PIK3R5: variants seen among roughly 807,000 people sequenced by gnomAD.
The protein encoded by PIK3R5 is phosphoinositide 3-kinase regulatory subunit 5.
A neutral mutation model predicts 94.9 loss-of-function variants in PIK3R5; 32 were observed. The observed-to-expected ratio is 0.34, with a 90% CI of 0.25 to 0.45. The LOEUF is 0.45. PIK3R5 is among the 20% of genes least tolerant of loss of function. The pLI is 1.00. For synonymous variants in PIK3R5, 443 were observed against 479.4 expected, an observed-to-expected ratio of 0.92 and a Z score of 0.99; for missense variants, 853 against 1,144.6, an observed-to-expected ratio of 0.75 and a Z score of 3.68.
At position 8,955,049 on chromosome 17, in the gene PIK3R5, T is replaced by G. The variant is rs149394747; in HGVS notation, c.-14+10547A>C. On this transcript the variant is annotated intron_variant, in intron 1 of 18. Transcript: ENST00000447110. The surrounding 1 kb of genome is among the most constrained non-coding windows in gnomAD (Gnocchi z 4.4). ...CTGAAGCAGCCCAGAGGAGGACACCTGCCTTGTCCCACAGTGGATCACAAA... is the reference window on the plus strand; with the variant it reads ...CTGAAGCAGCCCAGAGGAGGACACCGGCCTTGTCCCACAGTGGATCACAAA... Among the ~76,000 whole-genome samples the G allele has an allele frequency of 6.8e-3, 1,027 of 152,068 alleles. 18 individuals are homozygous for G. Among genetic ancestry groups the G allele is most frequent in the African/African-American group, 0.021 (876 of 41,486 alleles).
chr17:8,910,785 G>A (rs1381470031), intron 2 of PIK3R5, among the ~76,000 whole-genome samples: 1 of 152,056 alleles, frequency 6.6e-6, no homozygotes, highest in African/African-American at 2.4e-5. Flanking sequence ...TGTTCAAGGA[G>A]CACTGGGTGG....
intron 6 of PIK3R5, among the ~76,000 whole-genome samples, chr17:8,891,355 G>A (rs1004072175): frequency 9.2e-5 from 14 of 152,090 alleles, no homozygotes; most frequent in African/African-American, 3.4e-4. Context: ...TGGGGCGAGC[G>A]GGACATGAAA....
rs948827051 is a variant in PIK3R5 at position 8,889,791 on chromosome 17, C to T, written c.811+182G>A. 1.7e-4 allele frequency among the ~76,000 whole-genome samples: 26 copies of T among 152,144 alleles called. No individual in the cohort carries two copies. The highest frequency in any genetic ancestry group is 6.3e-4 in the African/African-American group (26 of 41,402). On this transcript the variant is annotated intron_variant, in intron 8 of 18. Transcript: ENST00000447110. The surrounding 1 kb of genome is among the most constrained non-coding windows in gnomAD (Gnocchi z 4.1). ...GCTGCCATCATGATAGCACCCCCAC[C>T]CTGCCCCTATAGACAGGAATGAGAC... is the stretch of plus-strand genomic sequence containing the variant.
chr17:8,903,058 T>G (rs999442700), intron 5 of PIK3R5, among the ~76,000 whole-genome samples: 1 of 152,144 alleles, frequency 6.6e-6, no homozygotes, highest in Non-Finnish European at 1.5e-5. Flanking sequence ...TTGGTCAGGC[T>G]GGTCTCGAAC....
At chr17:8,953,861 T>C (rs1279752070) in intron 1 of PIK3R5, among the ~76,000 whole-genome samples, 1 of 152,128 alleles carries the variant, frequency 6.6e-6, no homozygotes, top group Admixed American at 6.5e-5. Flanking sequence ...TTGGCAGGTG[T>C]GTGTCCTAGG....
At chr17:8,927,359 G>A (rs750166253) in intron 1 of PIK3R5, among the ~76,000 whole-genome samples, 18 of 152,316 alleles carry the variant, frequency 1.2e-4, no homozygotes, top group Admixed American at 2.0e-4. Flanking sequence ...TGGCCAGGCC[G>A]TAATGAGGTT....
At position 8,929,724 on chromosome 17, in the gene PIK3R5, C is replaced by T. The variant is rs142386702; in HGVS notation, c.-13-18217G>A. ...TAAGGCAGAAACAGAAAACTGAATA[C>T]CACATGTTCTCACTTTTAAGTGGGA... On this transcript the variant is annotated intron_variant, in intron 1 of 18. Coordinates refer to ENST00000447110, the MANE Select transcript of PIK3R5 (RefSeq NM_001142633.3). Among the ~76,000 whole-genome samples the T allele has an allele frequency of 6.4e-4, 97 of 152,146 alleles. 3 individuals carry two copies. The Middle Eastern group carries it at 0.017, about 27-fold the overall frequency.
At chr17:8,923,749 G>T (rs973071464) in intron 1 of PIK3R5, among the ~76,000 whole-genome samples, 1 of 152,200 alleles carries the variant, frequency 6.6e-6, no homozygotes, top group Non-Finnish European at 1.5e-5. Context: ...GTGCACAGGA[G>T]AATAAAGCAG....
chr17:8,963,596 G>A (rs1271087742), intron 1 of PIK3R5, among the ~76,000 whole-genome samples: 1 of 151,400 alleles, frequency 6.6e-6, no homozygotes, highest in Non-Finnish European at 1.5e-5. Context: ...ATAGCGCAGT[G>A]AAGCGATCAT....
At position 8,881,118 on chromosome 17, in the gene PIK3R5, G is replaced by A; in HGVS notation, c.2383-101C>T. 1 of 886,188 alleles carries A rather than the reference G, an allele frequency of 1.1e-6. No homozygotes were observed. The highest frequency in any genetic ancestry group is 1.9e-6 in the Non-Finnish European group (1 of 531,880). The allele number at this position is 886,188 out of a possible 1,614,324, so 54.9% of individuals were successfully genotyped here. On this transcript the variant is annotated intron_variant, in intron 17 of 18. Transcript: ENST00000447110. This position sits in a 1 kb window ranked among gnomAD's most constrained non-coding sequence, Gnocchi z 4.8. ...GAACTGCCCATCCACTTCTAGGGGTGTGGGAGGGCAGGGGTTTGTCTGACT... is the reference window on the plus strand; with the variant it reads ...GAACTGCCCATCCACTTCTAGGGGTATGGGAGGGCAGGGGTTTGTCTGACT...
intron 4 of PIK3R5, among the ~76,000 whole-genome samples, chr17:8,905,365 C>T (rs945152584): frequency 1.9e-4 from 29 of 152,180 alleles, no homozygotes; most frequent in African/African-American, 6.5e-4. Context: ...TGGGTGAAAC[C>T]GACTACTGGG....
chr17:8,902,846 A>ATTTTTTTTTTTTTTTTTTTTTTTTTT (rs35776068), intron 5 of PIK3R5, among the ~76,000 whole-genome samples: 1 of 140,166 alleles, frequency 7.1e-6, no homozygotes, highest in African/African-American at 2.7e-5. Flanking sequence ...TTTAGATAGA[A>ATTTTTTTTTTTTTTTTTTTTTTTTTT]TTTTTTTTTT....
At chr17:8,919,907 T>C (rs1291611471) in intron 1 of PIK3R5, among the ~76,000 whole-genome samples, 3 of 144,796 alleles carry the variant, frequency 2.1e-5, no homozygotes, top group Non-Finnish European at 4.5e-5. Context: ...TTTTTTTTTT[T>C]TGGACGGAGT....
At chr17:8,914,575 G>C (rs138665573) in intron 1 of PIK3R5, among the ~76,000 whole-genome samples, 25 of 152,182 alleles carry the variant, frequency 1.6e-4, no homozygotes, top group Non-Finnish European at 3.5e-4. Flanking sequence ...CCTTCTCTCC[G>C]CAAAGCTGAG....
chr17:8,891,428 T>C (rs2090020362), intron 6 of PIK3R5, among the ~76,000 whole-genome samples: 1 of 152,054 alleles, frequency 6.6e-6, no homozygotes, highest in Non-Finnish European at 1.5e-5. Context: ...GTGCATCTTC[T>C]TCCTGAGCTT....
At chr17:8,933,845 G>C (rs1189857014) in intron 1 of PIK3R5, among the ~76,000 whole-genome samples, 1 of 151,932 alleles carries the variant, frequency 6.6e-6, no homozygotes, top group Non-Finnish European at 1.5e-5. Context: ...CATTAATAAA[G>C]AAGAGTGAAA....
chr17:8,921,424 A>G (rs960637902), intron 1 of PIK3R5, among the ~76,000 whole-genome samples: 2 of 152,184 alleles, frequency 1.3e-5, no homozygotes, highest in Admixed American at 1.3e-4. Context: ...TGGCTCATGA[A>G]TTATAGCTTT....
rs1230045034 is a variant in PIK3R5 at position 8,925,019 on chromosome 17, GATAGATAGATAGATAGTAGATGA to G, written c.-13-13535_-13-13513del. ...CAGATAGATAGTTAGATAGTAGATG[GATAGATAGATAGATAGTAGATGA>G]ATAGATAGATAGATAGTAGATGGAT... On this transcript the variant is annotated intron_variant, in intron 1 of 18. Transcript: ENST00000447110. This position sits in a 1 kb window ranked among gnomAD's most constrained non-coding sequence, Gnocchi z 5.1. 6.9e-6 allele frequency among the ~76,000 whole-genome samples: 1 copy of G among 144,334 alleles called. No individual in the cohort carries two copies. The highest frequency in any genetic ancestry group is 6.9e-5 in the Admixed American group (1 of 14,480). The allele number at this position is 144,334 out of a possible 152,430, so 94.7% of individuals were successfully genotyped here.
At chr17:8,954,493 C>T (rs775772122) in intron 1 of PIK3R5, among the ~76,000 whole-genome samples, 2 of 152,210 alleles carry the variant, frequency 1.3e-5, no homozygotes, top group Non-Finnish European at 2.9e-5. Flanking sequence ...TTGTAAACAC[C>T]GTGTTGCAAA....
Sources: gnomAD v4.1 joint callset for allele counts (sites outside exome capture counted in the v4.1 genomes callset) on GRCh38, gnomAD v4.1.1 for gene constraint, Gnocchi (gnomAD v3.1) non-coding constraint, MANE v1.5 for transcripts, NCBI Gene and HGNC (gene_info 2026-07-23, HGNC 2026-07-21) for gene names.